Variants in HSPB7 observed in about 807,000 individuals in gnomAD.
HSPB7 encodes heat shock protein family B (small) member 7, also known as heat shock protein beta-7.
A neutral mutation model predicts 11.0 loss-of-function variants in HSPB7; 9 were observed. That is an observed-to-expected ratio of 0.82 (90% CI 0.49 to 1.43). The LOEUF (loss-of-function observed/expected upper bound fraction) is 1.43, where lower values mean the gene tolerates loss of function less well. Among genes scored for constraint, HSPB7 ranks in the 40% most tolerant of loss-of-function variants. The pLI is 0.00. For synonymous variants in HSPB7, 102 were observed against 101.6 expected, an observed-to-expected ratio of 1.00 and a Z score of -0.02; for missense variants, 246 against 243.9, an observed-to-expected ratio of 1.01 and a Z score of -0.06.
At chr1:16,016,129 G>T (rs1055240790) in intron 2 of HSPB7, among the ~76,000 whole-genome samples, 1 of 152,252 alleles carries the variant, frequency 6.6e-6, no homozygotes, top group South Asian at 2.1e-4. Context: ...GCATCTGCCC[G>T]CCAGGGCTGA....
upstream of HSPB7, chr1:16,019,376 T>C (rs1177578834): frequency 4.0e-6 from 6 of 1,484,216 alleles, no homozygotes; most frequent in African/African-American, 8.4e-5. Flanking sequence ...CAGTGTGACA[T>C]AGTCTTCCTG....
At chr1:16,019,118 C>T (rs1436451935), upstream of HSPB7, 2 of 1,535,420 alleles carry the variant, frequency 1.3e-6, no homozygotes, top group African/African-American at 2.7e-5. Flanking sequence ...GCTTGCTCAG[C>T]AAAGCTGGGA....
chr1:16,018,824 T>C, upstream of HSPB7: 1 of 1,234,118 alleles, frequency 8.1e-7, no homozygotes, highest in Non-Finnish European at 1.0e-6. Flanking sequence ...TAGCCCTGAG[T>C]TCTAGAATGC....
At chr1:16,018,751 C>T (rs529258774), upstream of HSPB7, 3 of 1,063,232 alleles carry the variant, frequency 2.8e-6, no homozygotes, top group East Asian at 8.1e-5. Context: ...GAGGTGATGC[C>T]TGCGAGCGCC....
At position 16,015,765 on chromosome 1, in the gene HSPB7, G is replaced by T; in HGVS notation, c.334-6C>A. The T allele has an allele frequency of 6.4e-7, 1 of 1,572,058 alleles. No individual in the cohort carries two copies. The highest frequency in any genetic ancestry group is 8.6e-7 in the Non-Finnish European group (1 of 1,156,770). Reference sequence around the variant, plus strand: ...ACAGTGCCGTCAGCCGCCAGCTGGGGAAGGGGTGACCCGTCAGGCAGGCTG... The same window carrying T: ...ACAGTGCCGTCAGCCGCCAGCTGGGTAAGGGGTGACCCGTCAGGCAGGCTG... On this transcript the variant is annotated splice_polypyrimidine_tract_variant and splice_region_variant and intron_variant, in intron 2 of 2. Coordinates refer to ENST00000311890, the MANE Select transcript of HSPB7 (RefSeq NM_014424.5). This position sits in a 1 kb window ranked among gnomAD's most constrained non-coding sequence, Gnocchi z 4.9.
intron 2 of HSPB7, 21 bp downstream of exon 2, chr1:16,017,053 A>G: frequency 1.3e-6 from 2 of 1,596,706 alleles, no homozygotes; most frequent in Non-Finnish European, 8.6e-7. Flanking sequence ...GGATGCGGTG[A>G]GTAGGGGGTG....
At chr1:16,016,474 C>T (rs1046278718) in intron 2 of HSPB7, among the ~76,000 whole-genome samples, 7 of 152,228 alleles carry the variant, frequency 4.6e-5, no homozygotes, top group African/African-American at 1.7e-4. Context: ...GACTCAGACA[C>T]GCTAGAGACC....
chr1:16,015,522 G>T lies in HSPB7; in HGVS notation c.*58C>A. On this transcript the variant is annotated 3_prime_UTR_variant, in exon 3 of 3. Coordinates refer to ENST00000311890, the MANE Select transcript of HSPB7 (RefSeq NM_014424.5). The surrounding 1 kb of genome is among the most constrained non-coding windows in gnomAD (Gnocchi z 4.9). ...TCCTGGAGCTGTTGTAATGGGGTTA[G>T]CGAGGCTTTGCTGGCAGGCGTGGGG... 4 of 1,543,048 alleles carry T rather than the reference G, an allele frequency of 2.6e-6. No homozygotes were observed. The highest frequency in any genetic ancestry group is 3.6e-6 in the Non-Finnish European group (4 of 1,119,488).
rs533029438 is a variant in HSPB7 at position 16,017,092 on chromosome 1, G to C, written c.315C>G (p.Ile105Met). ...DIIVTTSNNHIEVRAEKLAAD... is the reference protein window; with the variant it reads ...DIIVTTSNNHMEVRAEKLAAD... The stretch of plus-strand genomic sequence containing the variant: ...GGCTCACCTTCTCAGCCCGCACCTC[G>C]ATGTGGTTGTTGGAGGTGGTGACAA... Residue 105 changes from isoleucine (I) to methionine (M), a missense_variant, in exon 2 of 3, where the codon ATC (isoleucine) becomes ATG (methionine). Ile to Met is a conservative substitution (Grantham distance 10). Transcript: ENST00000311890. 2.7e-5 allele frequency: 44 copies of C among 1,611,424 alleles called. No individual in the cohort carries two copies. The East Asian group carries it at 9.2e-4, about 34-fold the overall frequency.
At position 16,014,629 on chromosome 1, in the gene HSPB7, G is replaced by T. The variant is rs571904322; in HGVS notation, c.*951C>A. ...ATTTGAAGGACAACGATAGGGGTGT[G>T]TGTGTTACACACACCGAGCCTATAG... On this transcript the variant is annotated 3_prime_UTR_variant, in exon 3 of 3. Transcript: ENST00000311890. 1 of 152,318 alleles carries T rather than the reference G, an allele frequency of 6.6e-6. No homozygotes were observed. Among genetic ancestry groups the T allele is most frequent in the Admixed American group, 6.5e-5 (1 of 15,312 alleles). 9.4% of individuals were successfully genotyped at this position (152,318 alleles called of 1,614,324 possible). A position where few individuals can be genotyped will look rare whatever the true frequency, so the allele number is the denominator to read the frequency against.
At chr1:16,019,350 C>T (rs1370566475), upstream of HSPB7, 1 of 1,443,550 alleles carries the variant, frequency 6.9e-7, no homozygotes, top group Non-Finnish European at 9.5e-7. Flanking sequence ...TGTCTTTGTC[C>T]TCCCACAGCA....
upstream of HSPB7, chr1:16,019,427 ACTGGCAGTTC>A: frequency 6.5e-7 from 1 of 1,549,010 alleles, no homozygotes; most frequent in East Asian, 2.4e-5. Flanking sequence ...TCCCTATCCA[ACTGGCAGTTC>A]CCACGGGGGC....
At chr1:16,019,411 C>A, upstream of HSPB7, 1 of 1,540,924 alleles carries the variant, frequency 6.5e-7, no homozygotes, top group Non-Finnish European at 8.8e-7. Context: ...CTGCTGTGTC[C>A]CTTCTTCCCT....
chr1:16,019,035 G>T (rs992959742), upstream of HSPB7: 1 of 1,150,650 alleles, frequency 8.7e-7, no homozygotes, highest in Non-Finnish European at 1.2e-6. Flanking sequence ...TTCAGAGGCC[G>T]AGGTGGTTTG....
chr1:16,015,561 A>AAAGGG lies in HSPB7; in HGVS notation c.*14_*18dup. 2 of 1,612,538 alleles carry AAAGGG rather than the reference A, an allele frequency of 1.2e-6. No individual in the cohort carries two copies. Among genetic ancestry groups the AAAGGG allele is most frequent in the Non-Finnish European group, 8.5e-7 (1 of 1,178,874 alleles). On this transcript the variant is annotated 3_prime_UTR_variant, in exon 3 of 3. Coordinates refer to ENST00000311890, the MANE Select transcript of HSPB7 (RefSeq NM_014424.5). This position sits in a 1 kb window ranked among gnomAD's most constrained non-coding sequence, Gnocchi z 4.9. ...GCAGGCGTGGGGCGGGGGGACAGGG[A>AAAGGG]AAGGGAAGGGAGAGGCACTCAGATT...
At chr1:16,017,697 G>T in intron 1 of HSPB7, 68 bp downstream of exon 1, 1 of 1,363,232 alleles carries the variant, frequency 7.3e-7, no homozygotes, top group Non-Finnish European at 1.0e-6. Context: ...CAGCGCCTTC[G>T]GTGGCGCCCT....
upstream of HSPB7, chr1:16,018,254 G>A (rs774351645): frequency 1.4e-6 from 2 of 1,422,902 alleles, no homozygotes; most frequent in South Asian, 1.2e-5. Flanking sequence ...CAGCCCCAGG[G>A]GCCTCCTCAC....
intron 2 of HSPB7, 96 bp downstream of exon 2, chr1:16,016,978 C>T: frequency 1.5e-6 from 2 of 1,301,678 alleles, no homozygotes; most frequent in South Asian, 2.7e-5. Context: ...GGGACACTGG[C>T]CAGGGTCTGG....
At chr1:16,017,395 G>A (rs989620798) in intron 1 of HSPB7, 188 bp from the exon 2 acceptor site, 9 of 698,216 alleles carry the variant, frequency 1.3e-5, no homozygotes, top group Admixed American at 1.1e-4. Flanking sequence ...GCCTCACCCA[G>A]CACAGTGTGT....
Sources: allele counts gnomAD v4.1 joint callset (sites outside exome capture counted in the v4.1 genomes callset), GRCh38; gene constraint gnomAD v4.1.1; non-coding constraint Gnocchi (gnomAD v3.1); transcripts MANE v1.5; gene names NCBI Gene and HGNC (gene_info 2026-07-23, HGNC 2026-07-21).